Variants in VPS8 observed in about 807,000 individuals in gnomAD.
The protein encoded by VPS8 is VPS8 subunit of CORVET complex, also known as vacuolar protein sorting-associated protein 8 homolog.
VPS8 carries 129 observed loss-of-function variants against 216.4 expected under a neutral mutation model. The ratio of observed to expected loss-of-function variants is 0.60; its 90% confidence interval spans 0.52 to 0.69. The LOEUF is 0.69. Among genes scored for constraint, VPS8 ranks in the 30% least tolerant of loss-of-function variants. The pLI, the probability that VPS8 is intolerant of heterozygous loss-of-function variation, is 0.00. For missense variants in VPS8, 1,531 were observed against 1,683.5 expected, an observed-to-expected ratio of 0.91 and a Z score of 1.59; for synonymous variants, 571 against 565.4, an observed-to-expected ratio of 1.01 and a Z score of -0.14.
In VPS8 at chr3:184,866,873, C is replaced by T; in HGVS notation, c.1396-3C>T. 6.2e-7 allele frequency: 1 copy of T among 1,607,134 alleles called. No individual in the cohort carries two copies. Among genetic ancestry groups the T allele is most frequent in the South Asian group, 1.1e-5 (1 of 88,952 alleles). On this transcript the variant is annotated splice_region_variant and splice_polypyrimidine_tract_variant and intron_variant, in intron 16 of 47. Coordinates refer to ENST00000625842, the MANE Select transcript of VPS8 (RefSeq NM_001009921.3). The stretch of plus-strand genomic sequence containing the variant: ...CTTTTTTGTATGTATGTTTTTCTTC[C>T]AGGCTTTGGTTGGAGAGAAGGCTTG...
At chr3:184,824,971 A>G (rs1357444832) in intron 2 of VPS8, 186 bp downstream of exon 2, 4 of 607,892 alleles carry the variant, frequency 6.6e-6, no homozygotes, top group Non-Finnish European at 5.9e-6. Flanking sequence ...AGTGGTGCAA[A>G]CATGGCTCAC....
intron 25 of VPS8, among the ~76,000 whole-genome samples, chr3:184,905,618 CTTT>C (rs59430187): frequency 4.1e-4 from 52 of 125,618 alleles, no homozygotes; most frequent in African/African-American, 6.4e-4. Context: ...AAGCTCAGCT[CTTT>C]TTTTTTTTTT....
At chr3:184,997,043 A>ATG (rs1181861259) in intron 44 of VPS8, among the ~76,000 whole-genome samples, 2 of 152,234 alleles carry the variant, frequency 1.3e-5, no homozygotes, top group African/African-American at 2.4e-5. Context: ...ACTGTTAGAC[A>ATG]TCAGGTAGGG....
chr3:184,883,508 A>G (rs1344958314), intron 21 of VPS8, among the ~76,000 whole-genome samples: 1 of 152,184 alleles, frequency 6.6e-6, no homozygotes, highest in African/African-American at 2.4e-5. Flanking sequence ...CCTAGGAATT[A>G]TAGACTCCTC....
At chr3:184,959,640 T>C (rs1232998746) in intron 37 of VPS8, among the ~76,000 whole-genome samples, 1 of 152,088 alleles carries the variant, frequency 6.6e-6, no homozygotes, top group Admixed American at 6.5e-5. Flanking sequence ...TCCAGTGTAA[T>C]TATTCTTATT....
rs1297589618 is a variant in VPS8 at position 184,852,583 on chromosome 3, A to G, written c.821+16A>G. ...TGACATTTAAGTAAGAGACTAGTGGACATTTGTTGACAAATGAAAAGACTA... is the reference window on the plus strand; with the variant it reads ...TGACATTTAAGTAAGAGACTAGTGGGCATTTGTTGACAAATGAAAAGACTA... On this transcript the variant is annotated intron_variant, in intron 11 of 47. Coordinates refer to ENST00000625842, the MANE Select transcript of VPS8 (RefSeq NM_001009921.3). 1 of 1,608,764 alleles carries G rather than the reference A, an allele frequency of 6.2e-7. No homozygotes were observed. Among genetic ancestry groups the G allele is most frequent in the Non-Finnish European group, 8.5e-7 (1 of 1,177,260 alleles).
intron 32 of VPS8, 51 bp from the exon 33 acceptor site, chr3:184,929,529 C>G (rs556871978): frequency 1.0e-5 from 11 of 1,104,844 alleles, no homozygotes; most frequent in African/African-American, 6.3e-5. Context: ...GAGCAAATGT[C>G]TCAAAAACCT....
At chr3:185,022,114 G>A (rs568808391) in intron 45 of VPS8, among the ~76,000 whole-genome samples, 65 of 152,270 alleles carry the variant, frequency 4.3e-4, no homozygotes, top group African/African-American at 1.6e-3. Context: ...GTGATAGTGA[G>A]TGAGCTCTCA....
chr3:184,971,773 G>C, intron 40 of VPS8, 21 bp downstream of exon 40: 1 of 1,601,960 alleles, frequency 6.2e-7, no homozygotes, highest in South Asian at 1.1e-5. Context: ...GACTGTTTAG[G>C]TATTTAAAAG....
chr3:184,937,915 C>T (rs1227059492), intron 35 of VPS8, among the ~76,000 whole-genome samples: 1 of 152,142 alleles, frequency 6.6e-6, no homozygotes, highest in Non-Finnish European at 1.5e-5. Context: ...AACGGTTTCA[C>T]ATGTGATGCT....
intron 25 of VPS8, among the ~76,000 whole-genome samples, chr3:184,902,666 C>T (rs1337330030): frequency 6.6e-6 from 1 of 151,096 alleles, no homozygotes; most frequent in Admixed American, 6.6e-5. Context: ...CCTATCTCTA[C>T]TATAAATACA....
intron 22 of VPS8, among the ~76,000 whole-genome samples, chr3:184,892,630 A>G (rs1359528753): frequency 6.6e-6 from 1 of 152,206 alleles, no homozygotes; most frequent in Non-Finnish European, 1.5e-5. Context: ...TAAGGTAGAG[A>G]TGCAAATAGG....
intron 46 of VPS8, among the ~76,000 whole-genome samples, chr3:185,037,861 A>G (rs967233459): frequency 2.0e-5 from 3 of 152,184 alleles, no homozygotes; most frequent in Non-Finnish European, 2.9e-5. Flanking sequence ...TATTGTCATC[A>G]TACCTTCCTT....
At chr3:184,958,126 G>A (rs1369675360) in intron 37 of VPS8, among the ~76,000 whole-genome samples, 1 of 152,146 alleles carries the variant, frequency 6.6e-6, no homozygotes, top group East Asian at 1.9e-4. Flanking sequence ...ATTAAACGCC[G>A]GGTGGGTAAC....
chr3:184,891,208 GA>G (rs1732280912), intron 22 of VPS8, among the ~76,000 whole-genome samples: 1 of 152,010 alleles, frequency 6.6e-6, no homozygotes, highest in Non-Finnish European at 1.5e-5. Context: ...CAGTTGTTAA[GA>G]AGCCATCGTT....
At chr3:184,887,610 G>C (rs1002096243) in intron 22 of VPS8, among the ~76,000 whole-genome samples, 1 of 152,192 alleles carries the variant, frequency 6.6e-6, no homozygotes, top group African/African-American at 2.4e-5. Flanking sequence ...GGTGGCAAAG[G>C]TGGGATTCAA....
intron 16 of VPS8, 27 bp from the exon 17 acceptor site, chr3:184,866,848 CT>C (rs1727449407): frequency 1.3e-6 from 2 of 1,593,138 alleles, no homozygotes; most frequent in Non-Finnish European, 8.5e-7. Context: ...ATTTTTTTAC[CT>C]TTTTTGTATG....
Position 184,843,162 on chromosome 3 carries a change from C to T in VPS8, c.536-78C>T. On this transcript the variant is annotated intron_variant, in intron 7 of 47. Transcript: ENST00000625842. ...CACTTATATTCTTGAAATTTTTTAC[C>T]TGCCTTTTCTTCGAACTTTTGAACT... 4 of 1,124,386 alleles carry T rather than the reference C, an allele frequency of 3.6e-6. No individual in the cohort carries two copies. The South Asian group carries it at 6.0e-5, about 17-fold the overall frequency. 69.7% of individuals were successfully genotyped at this position (1,124,386 alleles called of 1,614,324 possible).
chr3:184,897,183 TGC>T (rs2108958541), intron 23 of VPS8, among the ~76,000 whole-genome samples: 1 of 152,226 alleles, frequency 6.6e-6, no homozygotes, highest in Admixed American at 6.5e-5. Flanking sequence ...GAGGGCCAAG[TGC>T]AGAGGAAGCA....
Sources: gnomAD v4.1 joint callset for allele counts (sites outside exome capture counted in the v4.1 genomes callset) on GRCh38, gnomAD v4.1.1 for gene constraint, MANE v1.5 for transcripts, NCBI Gene and HGNC (gene_info 2026-07-23, HGNC 2026-07-21) for gene names.